The following NFASC variants were observed in gnomAD, a reference collection of about 807,000 sequenced individuals.
The protein encoded by NFASC is neurofascin.
A neutral mutation model predicts 147.5 loss-of-function variants in NFASC; 43 were observed. The ratio of observed to expected loss-of-function variants is 0.29; its 90% CI spans 0.23 to 0.38. NFASC has a LOEUF of 0.38. NFASC is among the 10% of genes least tolerant of loss of function. The probability of loss-of-function intolerance (pLI) is 1.00; values close to 1 mark genes in which losing one functional copy is unlikely to be tolerated. For missense variants in NFASC, 1,320 were observed against 1,689.0 expected, an observed-to-expected ratio of 0.78 and a Z score of 3.83; for synonymous variants, 622 against 665.5, an observed-to-expected ratio of 0.93 and a Z score of 1.01.
At chr1:204,951,524 G>A (rs935981711) in intron 4 of NFASC, among the ~76,000 whole-genome samples, 22 of 144,444 alleles carry the variant, frequency 1.5e-4, no homozygotes, top group African/African-American at 1.8e-4. Context: ...GCTGGAGTGC[G>A]GTGGTGCGAT....
At chr1:204,880,181 C>T (rs1408434343) in intron 1 of NFASC, among the ~76,000 whole-genome samples, 1 of 152,152 alleles carries the variant, frequency 6.6e-6, no homozygotes, top group East Asian at 1.9e-4. Context: ...TTTAAGCCAT[C>T]ACCTACAGGC....
Position 205,001,172 on chromosome 1 carries a change from C to T in NFASC, c.3022C>T (p.Pro1008Ser), listed in dbSNP as rs775040484. ...CCCTTTTCTAACCCGTCCACCAGCC[C>T]CTGATGAGCAGTCCATATGGAACGT... ...TSGTKIHESA[P>S]DEQSIWNVTV... Residue 1008 changes from proline (P) to serine (S), a missense_variant and splice_region_variant, in exon 26 of 30, where the codon CCT (proline) becomes TCT (serine). Physicochemically the swap from Pro to Ser is moderately conservative, Grantham distance 74 (BLOSUM62 -1). This residue lies in a region of NFASC where 172 missense variants were observed against 165.8 expected (regional missense o/e 1.04). Coordinates refer to ENST00000339876, the MANE Select transcript of NFASC (RefSeq NM_001005388.3). 3.1e-6 allele frequency: 5 copies of T among 1,597,550 alleles called. No homozygotes were observed. Among genetic ancestry groups the T allele is most frequent in the Non-Finnish European group, 4.3e-6 (5 of 1,168,478 alleles).
In NFASC at chr1:204,880,323, A is replaced by AT. The variant is rs200143641; in HGVS notation, c.-199-40301dup. ...GTGTAGCAATTGGCATTTTAATGTAATTTTTTTTCTCATTGTAATGTTTAA... is the reference window on the plus strand; with the variant it reads ...GTGTAGCAATTGGCATTTTAATGTAATTTTTTTTTCTCATTGTAATGTTTAA... On this transcript the variant is annotated intron_variant, in intron 1 of 29. Coordinates refer to ENST00000339876, the MANE Select transcript of NFASC (RefSeq NM_001005388.3). Among the ~76,000 whole-genome samples the AT allele has an allele frequency of 4.4e-3, 669 of 151,628 alleles. 4 individuals are homozygous for AT. Among genetic ancestry groups the AT allele is most frequent in the African/African-American group, 0.015 (628 of 41,340 alleles).
At chr1:204,849,759 C>G (rs1220318642) in intron 1 of NFASC, among the ~76,000 whole-genome samples, 1 of 152,184 alleles carries the variant, frequency 6.6e-6, no homozygotes, top group Non-Finnish European at 1.5e-5. Flanking sequence ...GGACTGCCTT[C>G]CCAAGAGTGA....
chr1:204,951,915 G>T (rs1375645687), intron 4 of NFASC, 96 bp from the exon 5 acceptor site: 2 of 939,704 alleles, frequency 2.1e-6, no homozygotes, highest in South Asian at 1.5e-5. Context: ...CTGCTTGCAT[G>T]TGTGGCTTCT....
chr1:205,002,390 G>C (rs1304692567), intron 26 of NFASC, among the ~76,000 whole-genome samples: 1 of 152,210 alleles, frequency 6.6e-6, no homozygotes, highest in African/African-American at 2.4e-5. Flanking sequence ...GTCCCCAGCT[G>C]AAGGGTCGTT....
intron 8 of NFASC, among the ~76,000 whole-genome samples, chr1:204,958,423 G>A (rs1169130198): frequency 5.3e-5 from 8 of 152,098 alleles, no homozygotes; most frequent in Non-Finnish European, 1.0e-4. Context: ...ATTTGTTTTC[G>A]TTTCTATTCC....
At chr1:204,843,146 G>C (rs982619353) in intron 1 of NFASC, among the ~76,000 whole-genome samples, 1 of 152,206 alleles carries the variant, frequency 6.6e-6, no homozygotes, top group South Asian at 2.1e-4. Context: ...CTGAGAGCAA[G>C]AATCCTTTGT....
intron 24 of NFASC, among the ~76,000 whole-genome samples, chr1:204,995,053 G>A (rs901432980): frequency 3.3e-5 from 5 of 152,108 alleles, no homozygotes; most frequent in African/African-American, 1.2e-4. Context: ...CTGGGAGGTC[G>A]AGGCTACAGT....
chr1:204,900,137 A>G (rs1166639574), intron 1 of NFASC, among the ~76,000 whole-genome samples: 1 of 152,224 alleles, frequency 6.6e-6, no homozygotes, highest in Non-Finnish European at 1.5e-5. Flanking sequence ...AGAATCAGAC[A>G]TGAAAATGAA....
chr1:204,859,647 A>G (rs1001010031), intron 1 of NFASC, among the ~76,000 whole-genome samples: 6 of 152,238 alleles, frequency 3.9e-5, no homozygotes, highest in African/African-American at 1.4e-4. Context: ...TGGGTCCCGC[A>G]GCTGCACTGA....
chr1:205,009,977 C>T, intron 28 of NFASC: 1 of 411,566 alleles, frequency 2.4e-6, no homozygotes, highest in South Asian at 3.6e-5. Context: ...TGACTCACCA[C>T]CCATCTGTTC....
intron 1 of NFASC, among the ~76,000 whole-genome samples, chr1:204,910,576 T>C (rs1280583858): frequency 6.6e-6 from 1 of 152,062 alleles, no homozygotes; most frequent in Non-Finnish European, 1.5e-5. Context: ...CCCAGACTCC[T>C]GAGTAGCTAG....
intron 8 of NFASC, among the ~76,000 whole-genome samples, chr1:204,963,021 A>C (rs1001233771): frequency 6.6e-6 from 1 of 152,164 alleles, no homozygotes; most frequent in Admixed American, 6.5e-5. Flanking sequence ...GCTGGCCCCC[A>C]TCATTAGTTA....
intron 24 of NFASC, among the ~76,000 whole-genome samples, 174 bp from the exon 25 acceptor site, chr1:204,996,996 G>A (rs74138688): frequency 7.2e-4 from 110 of 152,208 alleles, no homozygotes; most frequent in African/African-American, 2.6e-3. Context: ...CTCTCCCATG[G>A]TTGTGTCTTC....
chr1:204,977,209 C>T (rs2150387461), intron 16 of NFASC: 3 of 803,358 alleles, frequency 3.7e-6, no homozygotes, highest in Non-Finnish European at 4.7e-6. Context: ...CCCGCTCCAT[C>T]CCTGGGTTTT....
chr1:204,937,226 G>A (rs934274035), intron 2 of NFASC, among the ~76,000 whole-genome samples: 2 of 151,400 alleles, frequency 1.3e-5, no homozygotes, highest in Non-Finnish European at 2.9e-5. Context: ...ATCTTCACAC[G>A]TACACAGCCC....
At chr1:204,971,871 T>C (rs2095268228) in intron 11 of NFASC, among the ~76,000 whole-genome samples, 1 of 152,188 alleles carries the variant, frequency 6.6e-6, no homozygotes, top group Non-Finnish European at 1.5e-5. Context: ...GGGGGTAAGC[T>C]AGGCAATTGC....
intron 28 of NFASC, among the ~76,000 whole-genome samples, chr1:205,012,359 A>G (rs1164693813): frequency 6.6e-6 from 1 of 152,116 alleles, no homozygotes; most frequent in Non-Finnish European, 1.5e-5. Context: ...AAGCACACAG[A>G]CCCCCACCCT....
Sources: allele counts gnomAD v4.1 joint callset (sites outside exome capture counted in the v4.1 genomes callset), GRCh38; gene constraint gnomAD v4.1.1; regional missense constraint gnomAD v4.1.1; transcripts MANE v1.5; gene names NCBI Gene and HGNC (gene_info 2026-07-23, HGNC 2026-07-21).